SGCZ: variants seen among roughly 807,000 people sequenced by gnomAD.
SGCZ encodes zeta-sarcoglycan.
SGCZ carries 40 observed loss-of-function variants against 41.3 expected under a neutral mutation model. That is an observed-to-expected ratio of 0.97 (90% CI 0.75 to 1.26). The LOEUF (loss-of-function observed/expected upper bound fraction) is 1.26, where lower values mean the gene tolerates loss of function less well. SGCZ is among the 50% of genes most tolerant of loss of function. The pLI is 0.00. For missense variants in SGCZ, 552 were observed against 369.8 expected (o/e 1.49, Z -4.04); for synonymous variants, 206 against 137.5 (o/e 1.50, Z -3.49).
intron 1 of SGCZ, among the ~76,000 whole-genome samples, chr8:15,190,123 A>T (rs13274582): frequency 2.0e-5 from 3 of 152,098 alleles, no homozygotes; most frequent in African/African-American, 4.8e-5. Flanking sequence ...TGTCTGCTTT[A>T]CCTGAAATTC....
intron 3 of SGCZ, 117 bp from the exon 4 acceptor site, chr8:14,237,796 GACAGTTAATTTA>G (rs1806823413): frequency 3.6e-6 from 3 of 837,700 alleles, no homozygotes; most frequent in Admixed American, 2.4e-5. Context: ...CTCTATATTA[GACAGTTAATTTA>G]ACGTCCCAAT....
chr8:14,394,882 G>C (rs971407249), intron 2 of SGCZ, among the ~76,000 whole-genome samples: 2 of 152,120 alleles, frequency 1.3e-5, no homozygotes, highest in African/African-American at 4.8e-5. Flanking sequence ...TCAGTGCATG[G>C]GTGATATTGT....
intron 2 of SGCZ, among the ~76,000 whole-genome samples, chr8:14,502,681 G>A (rs1399293393): frequency 6.6e-6 from 1 of 152,148 alleles, no homozygotes; most frequent in Non-Finnish European, 1.5e-5. Flanking sequence ...CATTTATGCG[G>A]CCAATAAACA....
intron 1 of SGCZ, among the ~76,000 whole-genome samples, chr8:15,130,988 C>T (rs915681476): frequency 1.3e-5 from 2 of 152,118 alleles, no homozygotes; most frequent in African/African-American, 2.4e-5. Flanking sequence ...ATGAACTCAG[C>T]AGCCTGTAGT....
At chr8:14,159,639 G>A (rs1256943650) in intron 5 of SGCZ, among the ~76,000 whole-genome samples, 1 of 152,148 alleles carries the variant, frequency 6.6e-6, no homozygotes, top group African/African-American at 2.4e-5. Flanking sequence ...AGAAAATGAA[G>A]TGATTGCACG....
intron 5 of SGCZ, among the ~76,000 whole-genome samples, chr8:14,115,054 G>A (rs1270986537): frequency 2.0e-5 from 3 of 151,812 alleles, no homozygotes; most frequent in Admixed American, 2.0e-4. Context: ...CAAAAAAAAT[G>A]AAAAAATTAC....
intron 1 of SGCZ, among the ~76,000 whole-genome samples, chr8:14,837,482 T>C (rs909731933): frequency 6.6e-6 from 1 of 152,172 alleles, no homozygotes; most frequent in African/African-American, 2.4e-5. Flanking sequence ...GCTGCTCATA[T>C]AGGGACTACA....
At chr8:14,801,842 G>T (rs183348288) in intron 1 of SGCZ, among the ~76,000 whole-genome samples, 1,889 of 152,212 alleles carry the variant, frequency 0.012, 17 homozygotes, top group Middle Eastern at 0.037. Context: ...CAAGAGGATG[G>T]TTAGAAAAGC....
intron 2 of SGCZ, among the ~76,000 whole-genome samples, chr8:14,486,465 A>G (rs1585579870): frequency 6.6e-6 from 1 of 152,224 alleles, no homozygotes. Context: ...TCTCCTAAGT[A>G]ATATATTCCC....
chr8:15,092,563 A>C (rs998723137), intron 1 of SGCZ, among the ~76,000 whole-genome samples: 24 of 152,230 alleles, frequency 1.6e-4, no homozygotes, highest in Admixed American at 4.6e-4. Flanking sequence ...AGGAGAAAGA[A>C]AATAAATTCT....
intron 1 of SGCZ, among the ~76,000 whole-genome samples, chr8:14,692,748 A>G (rs541228935): frequency 6.6e-6 from 1 of 152,320 alleles, no homozygotes; most frequent in Admixed American, 6.5e-5. Flanking sequence ...CTTAGACAAA[A>G]TCACCTAAAT....
intron 1 of SGCZ, among the ~76,000 whole-genome samples, chr8:14,688,935 A>G (rs13279744): frequency 0.39 from 58,985 of 151,892 alleles, 15,279 homozygotes; most frequent in African/African-American, 0.75. Flanking sequence ...CAAAATCAAT[A>G]TACAAAAATC....
chr8:14,935,969 C>T (rs1353430855), intron 1 of SGCZ, among the ~76,000 whole-genome samples: 1 of 151,780 alleles, frequency 6.6e-6, no homozygotes, highest in Non-Finnish European at 1.5e-5. Context: ...CAAAAATGTA[C>T]TAATGGAATA....
Position 15,226,778 on chromosome 8 carries a change from G to T in SGCZ, c.39+10807C>A, listed in dbSNP as rs543671881. 3.3e-5 allele frequency among the ~76,000 whole-genome samples: 5 copies of T among 152,206 alleles called. No homozygotes were observed. In the East Asian group the frequency reaches 9.7e-4, roughly 29 times the overall value. The stretch of plus-strand genomic sequence containing the variant: ...GCAAGAAATACATACATATGTCTTA[G>T]GATAAAACAGATTAGAAAAGGTGAG... On this transcript the variant is annotated intron_variant, in intron 1 of 7. Coordinates refer to ENST00000382080, the MANE Select transcript of SGCZ (RefSeq NM_139167.4).
chr8:15,034,262 G>C (rs1803790929), intron 1 of SGCZ, among the ~76,000 whole-genome samples: 2 of 151,980 alleles, frequency 1.3e-5, no homozygotes, highest in Non-Finnish European at 1.5e-5. Flanking sequence ...ATTTAGCAGA[G>C]ATATAAATTT....
chr8:14,111,463 CAT>C (rs138643100), intron 5 of SGCZ, among the ~76,000 whole-genome samples: 4,057 of 152,074 alleles, frequency 0.027, 62 homozygotes, highest in Middle Eastern at 0.082. Flanking sequence ...GAAGGATAGA[CAT>C]AAAAAGGACA....
rs145428997 is a variant in SGCZ at position 14,635,395 on chromosome 8, TATAAA to T, written c.40-80474_40-80470del. 8.8e-3 allele frequency among the ~76,000 whole-genome samples: 1,331 copies of T among 152,046 alleles called. 17 individuals carry two copies. Among genetic ancestry groups the T allele is most frequent in the African/African-American group, 0.03 (1,263 of 41,508 alleles). ...TCACTTAATCTATTATTCTTCAACT[TATAAA>T]ATAAAAAATCTCCCTAATTTATTTA... is the stretch of plus-strand genomic sequence containing the variant. On this transcript the variant is annotated intron_variant, in intron 1 of 7. Transcript: ENST00000382080.
At chr8:15,028,961 A>T (rs1803556948) in intron 1 of SGCZ, among the ~76,000 whole-genome samples, 1 of 152,100 alleles carries the variant, frequency 6.6e-6, no homozygotes, top group South Asian at 2.1e-4. Flanking sequence ...TAAATGTGCA[A>T]ACAGAGAAAA....
intron 2 of SGCZ, among the ~76,000 whole-genome samples, chr8:14,352,631 C>G (rs142679799): frequency 1.5e-3 from 222 of 152,200 alleles, no homozygotes; most frequent in African/African-American, 5.1e-3. Flanking sequence ...GCTTGGGTAA[C>G]AAGCCCGTAG....
Sources: allele counts gnomAD v4.1 joint callset (sites outside exome capture counted in the v4.1 genomes callset), GRCh38; gene constraint gnomAD v4.1.1; transcripts MANE v1.5; gene names NCBI Gene and HGNC (gene_info 2026-07-23, HGNC 2026-07-21).